The following DPYD variants were observed in gnomAD, a reference collection of about 807,000 sequenced individuals.
DPYD encodes dihydropyrimidine dehydrogenase.
Under a neutral mutation model 116.2 loss-of-function variants are expected in DPYD, and 109 were observed. That is an observed-to-expected ratio of 0.94 (90% CI 0.80 to 1.10). The LOEUF (loss-of-function observed/expected upper bound fraction) is 1.10. Ranked by LOEUF, DPYD falls within the 50% of genes least tolerant of loss-of-function variation. The probability of loss-of-function intolerance (pLI) is 0.00; values close to 1 mark genes in which losing one functional copy is unlikely to be tolerated. For missense variants in DPYD, 1,302 were observed against 1,254.5 expected (o/e 1.04, Z -0.57); for synonymous variants, 440 against 432.0 (o/e 1.02, Z -0.23).
chr1:97,805,427 C>A (rs975631292), intron 3 of DPYD, among the ~76,000 whole-genome samples: 1 of 151,704 alleles, frequency 6.6e-6, no homozygotes, highest in Non-Finnish European at 1.5e-5. Context: ...TTGAAATAAA[C>A]AAAACAGAAA....
intron 3 of DPYD, among the ~76,000 whole-genome samples, chr1:97,748,629 A>G (rs1664694445): frequency 6.6e-6 from 1 of 152,184 alleles, no homozygotes; most frequent in Admixed American, 6.5e-5. Context: ...ATAAAACAAA[A>G]GACTATAATT....
At chr1:97,200,704 AG>A (rs1557933482) in intron 19 of DPYD, among the ~76,000 whole-genome samples, 2 of 152,226 alleles carry the variant, frequency 1.3e-5, no homozygotes, top group Non-Finnish European at 2.9e-5. Context: ...TAGTTTTCAA[AG>A]CATGGTGACA....
At chr1:97,138,635 T>A (rs943280192) in intron 20 of DPYD, among the ~76,000 whole-genome samples, 1 of 150,218 alleles carries the variant, frequency 6.7e-6, no homozygotes, top group Non-Finnish European at 1.5e-5. Context: ...TCGCAAAAAA[T>A]GTTCATAAAG....
At position 97,839,475 on chromosome 1, in the gene DPYD, T is replaced by TA. The variant is rs753513993; in HGVS notation, c.151-11280dup. ...TGTTTCTCAGTGGGGTCTACTTACT[T>TA]AAAAACATCAGTCAGCAATTCTTTG... On this transcript the variant is annotated intron_variant, in intron 2 of 22. Transcript: ENST00000370192. Among the ~76,000 whole-genome samples the TA allele has an allele frequency of 9.9e-4, 151 of 152,208 alleles. 1 individual carries two copies. Among genetic ancestry groups the TA allele is most frequent in the South Asian group, 2.7e-3 (13 of 4,824 alleles).
rs180983652 is a variant in DPYD at position 97,474,961 on chromosome 1, A to G, written c.1741-24738T>C. On this transcript the variant is annotated intron_variant, in intron 13 of 22. Transcript: ENST00000370192. The stretch of plus-strand genomic sequence containing the variant: ...ATGAAAGTTGCTAGAAAAGTTAAGA[A>G]AATGTAAAAAGAAGAACACAGGTCA... Among the ~76,000 whole-genome samples, 25 of 152,230 alleles carry G rather than the reference A, an allele frequency of 1.6e-4. No individual in the cohort carries two copies. In the East Asian group the frequency reaches 3.7e-3, roughly 22 times the overall value.
intron 1 of DPYD, among the ~76,000 whole-genome samples, chr1:97,905,922 T>G (rs1341722107): frequency 6.6e-6 from 1 of 152,066 alleles, no homozygotes; most frequent in Non-Finnish European, 1.5e-5. Context: ...ACTACTGACT[T>G]TAATCAAACC....
chr1:97,109,314 TAAAG>T (rs1651420327), intron 20 of DPYD, among the ~76,000 whole-genome samples: 1 of 152,118 alleles, frequency 6.6e-6, no homozygotes, highest in Non-Finnish European at 1.5e-5. Context: ...TAACAATACA[TAAAG>T]AAAGATTTTC....
intron 20 of DPYD, among the ~76,000 whole-genome samples, chr1:97,117,985 C>G (rs533022969): frequency 6.6e-6 from 1 of 152,154 alleles, no homozygotes; most frequent in East Asian, 1.9e-4. Flanking sequence ...TATATAACAC[C>G]TTTTCACTAT....
At chr1:97,563,749 G>T (rs555377735) in intron 11 of DPYD, among the ~76,000 whole-genome samples, 1 of 152,320 alleles carries the variant, frequency 6.6e-6, no homozygotes, top group South Asian at 2.1e-4. Flanking sequence ...TAAGGCAGAT[G>T]TAAGTGATGT....
intron 3 of DPYD, among the ~76,000 whole-genome samples, chr1:97,752,649 G>T (rs1159149159): frequency 1.3e-5 from 2 of 152,000 alleles, no homozygotes; most frequent in Non-Finnish European, 2.9e-5. Flanking sequence ...CATTCCACAT[G>T]CTCTTCCCTT....
At chr1:97,377,832 G>C (rs1671724666) in intron 15 of DPYD, among the ~76,000 whole-genome samples, 1 of 152,178 alleles carries the variant, frequency 6.6e-6, no homozygotes, top group African/African-American at 2.4e-5. Context: ...CACAGCCTAA[G>C]CGGAGCAGAG....
chr1:97,392,566 T>C (rs1157709024), intron 14 of DPYD, among the ~76,000 whole-genome samples: 1 of 152,106 alleles, frequency 6.6e-6, no homozygotes, highest in Non-Finnish European at 1.5e-5. Context: ...TTATCCACAG[T>C]AGAACTTCTT....
At chr1:97,683,060 G>C (rs982753630) in intron 7 of DPYD, among the ~76,000 whole-genome samples, 1 of 151,866 alleles carries the variant, frequency 6.6e-6, no homozygotes, top group Non-Finnish European at 1.5e-5. Flanking sequence ...TTTTTGTGGA[G>C]TATAAATCTT....
At chr1:97,667,905 TACA>T (rs1280093915) in intron 8 of DPYD, among the ~76,000 whole-genome samples, 2 of 152,160 alleles carry the variant, frequency 1.3e-5, no homozygotes, top group African/African-American at 4.8e-5. Context: ...TGACACATGC[TACA>T]ACATGAATGA....
At chr1:97,903,911 T>G (rs1294296417) in intron 1 of DPYD, among the ~76,000 whole-genome samples, 1 of 151,916 alleles carries the variant, frequency 6.6e-6, no homozygotes, top group Non-Finnish European at 1.5e-5. Flanking sequence ...AGCTAAAGTG[T>G]TGCTTCTAGA....
intron 20 of DPYD, among the ~76,000 whole-genome samples, chr1:97,181,573 C>T (rs1557918318): frequency 6.6e-6 from 1 of 151,956 alleles, no homozygotes; most frequent in Non-Finnish European, 1.5e-5. Context: ...AGCTTTTGAC[C>T]AGATCAAACA....
chr1:97,143,781 G>A (rs955332450), intron 20 of DPYD, among the ~76,000 whole-genome samples: 10 of 152,056 alleles, frequency 6.6e-5, no homozygotes, highest in African/African-American at 2.2e-4. Flanking sequence ...TTTTGAAAAT[G>A]GATTTTACAG....
chr1:97,195,634 G>GTATATATATATATATATATA (rs71071637), intron 19 of DPYD, among the ~76,000 whole-genome samples: 3 of 57,728 alleles, frequency 5.2e-5, no homozygotes, highest in Non-Finnish European at 9.9e-5. Flanking sequence ...ATATGTATGT[G>GTATATATATATATATATATA]TATATATATA....
At chr1:97,113,981 G>C (rs532447585) in intron 20 of DPYD, among the ~76,000 whole-genome samples, 5 of 152,094 alleles carry the variant, frequency 3.3e-5, no homozygotes, top group African/African-American at 1.2e-4. Context: ...TCTCATCATT[G>C]TTAGTAGCCA....
Sources: gnomAD v4.1 joint callset for allele counts (sites outside exome capture counted in the v4.1 genomes callset) on GRCh38, gnomAD v4.1.1 for gene constraint, MANE v1.5 for transcripts, NCBI Gene and HGNC (gene_info 2026-07-23, HGNC 2026-07-21) for gene names.